The following WASL variants were observed in gnomAD, a reference collection of about 807,000 sequenced individuals.
WASL encodes the protein WASP like actin nucleation promoting factor.
In WASL, 20 loss-of-function variants were observed where a neutral mutation model predicts 55.5. The observed-to-expected ratio is 0.36, with a 90% CI of 0.25 to 0.52. The LOEUF is 0.52. WASL is among the 20% of genes least tolerant of loss of function. The pLI is 0.92. For missense variants in WASL, 504 were observed against 622.5 expected (o/e 0.81, Z 2.03); for synonymous variants, 249 against 217.6 (o/e 1.14, Z -1.27).
At chr7:123,687,799 T>C (rs965493119) in intron 10 of WASL, among the ~76,000 whole-genome samples, 2 of 152,090 alleles carry the variant, frequency 1.3e-5, no homozygotes, top group Non-Finnish European at 2.9e-5. Context: ...CAATAAATAT[T>C]TATCTCTATC....
chr7:123,696,262 T>C (rs1803490542), intron 6 of WASL, among the ~76,000 whole-genome samples: 1 of 152,010 alleles, frequency 6.6e-6, no homozygotes, highest in Admixed American at 6.5e-5. Context: ...CTGTAAACAA[T>C]TTCTAAATGC....
chr7:123,696,545 A>C (rs781580553), intron 6 of WASL, 34 bp downstream of exon 6: 8 of 1,505,030 alleles, frequency 5.3e-6, no homozygotes, highest in Non-Finnish European at 7.1e-6. Context: ...ATAAATCAAA[A>C]GTGAAGATAA....
chr7:123,719,101 G>T (rs919056982), intron 1 of WASL, among the ~76,000 whole-genome samples: 1 of 152,116 alleles, frequency 6.6e-6, no homozygotes, highest in African/African-American at 2.4e-5. Flanking sequence ...AATTTATTTT[G>T]ATCATTCCTC....
At chr7:123,709,319 T>G in intron 1 of WASL, 96 bp from the exon 2 acceptor site, 1 of 991,152 alleles carries the variant, frequency 1.0e-6, no homozygotes, top group East Asian at 2.9e-5. Flanking sequence ...CCAGCTAAGC[T>G]GCTCCTAAAT....
At chr7:123,691,676 T>C (rs1274414716) in intron 9 of WASL, among the ~76,000 whole-genome samples, 1 of 152,196 alleles carries the variant, frequency 6.6e-6, no homozygotes, top group Non-Finnish European at 1.5e-5. Context: ...CTCTAGAAGA[T>C]TAAATGACCT....
At chr7:123,692,313 G>C (rs1212435844) in intron 9 of WASL, 34 bp downstream of exon 9, 3 of 1,573,022 alleles carry the variant, frequency 1.9e-6, no homozygotes, top group African/African-American at 1.4e-5. Context: ...TTATGATAAA[G>C]GATCTAAAAT....
chr7:123,719,055 A>C (rs1489162883), intron 1 of WASL, among the ~76,000 whole-genome samples: 1 of 152,228 alleles, frequency 6.6e-6, no homozygotes, highest in African/African-American at 2.4e-5. Context: ...TGTTCCACTA[A>C]AACTCTACTT....
rs1459314701 is a variant in WASL at position 123,683,632 on chromosome 7, T to A, written c.*887A>T. 5 of 152,092 alleles carry A rather than the reference T, an allele frequency of 3.3e-5. No individual in the cohort carries two copies. The allele number at this position is 152,092 out of a possible 1,614,324, so 9.4% of individuals were successfully genotyped here. On this transcript the variant is annotated 3_prime_UTR_variant, in exon 11 of 11. Coordinates refer to ENST00000223023, the MANE Select transcript of WASL (RefSeq NM_003941.4). ...ATGCTAAAATTCTACAGTATTTTAG[T>A]ACTATTCTGATTTGTATAGTTTTTT...
intron 1 of WASL, among the ~76,000 whole-genome samples, chr7:123,731,549 T>C (rs1357466256): frequency 6.6e-6 from 1 of 152,080 alleles, no homozygotes; most frequent in African/African-American, 2.4e-5. Context: ...AGAGACCACA[T>C]TTTGGGCCAT....
intron 1 of WASL, chr7:123,720,489 C>T (rs919536007): frequency 1.4e-5 from 5 of 345,942 alleles, no homozygotes; most frequent in African/African-American, 1.1e-4. Context: ...AAATAACTTA[C>T]ATTTGCCTAT....
At chr7:123,686,114 T>C (rs138611984) in intron 10 of WASL, among the ~76,000 whole-genome samples, 10 of 151,516 alleles carry the variant, frequency 6.6e-5, no homozygotes, top group African/African-American at 2.4e-4. Context: ...TATTAGAACT[T>C]GAAAATTAAC....
At chr7:123,709,646 C>G (rs1803725860) in intron 1 of WASL, among the ~76,000 whole-genome samples, 1 of 152,188 alleles carries the variant, frequency 6.6e-6, no homozygotes, top group African/African-American at 2.4e-5. Context: ...GACTTCAAAT[C>G]TAGCATTCTT....
intron 8 of WASL, among the ~76,000 whole-genome samples, chr7:123,694,279 T>A (rs1803459128): frequency 6.6e-6 from 1 of 152,170 alleles, no homozygotes; most frequent in Admixed American, 6.5e-5. Flanking sequence ...AAAGAAAATT[T>A]CATACTTTAT....
At chr7:123,720,714 A>C (rs1282856308) in intron 1 of WASL, among the ~76,000 whole-genome samples, 1 of 149,886 alleles carries the variant, frequency 6.7e-6, no homozygotes, top group African/African-American at 2.5e-5. Context: ...ACAGTGGCAC[A>C]ATCTTGGCTC....
chr7:123,693,091 T>G (rs1803439811), intron 8 of WASL, among the ~76,000 whole-genome samples: 1 of 152,152 alleles, frequency 6.6e-6, no homozygotes, highest in East Asian at 1.9e-4. Flanking sequence ...TAAAAAAATA[T>G]GAGCTAAAAC....
At chr7:123,724,928 A>T (rs559808835) in intron 1 of WASL, among the ~76,000 whole-genome samples, 1 of 152,262 alleles carries the variant, frequency 6.6e-6, no homozygotes, top group African/African-American at 2.4e-5. Context: ...AAGTGGTGAG[A>T]GTTTGGGGGC....
rs78221354 is a variant in WASL, at chr7:123,740,490, T to G, written c.117+8128A>C. Among the ~76,000 whole-genome samples the G allele has an allele frequency of 8.8e-3, 1,336 of 152,318 alleles. 23 individuals are homozygous for G. The highest frequency in any genetic ancestry group is 0.03 in the African/African-American group (1,252 of 41,558). On this transcript the variant is annotated intron_variant, in intron 1 of 10. Transcript: ENST00000223023. ...TATTACACTATATTTATGAATATGG[T>G]TAAGCATGCCAAATGTCTCCTAATT...
At chr7:123,689,656 T>G (rs1803364960) in intron 9 of WASL, among the ~76,000 whole-genome samples, 1 of 152,184 alleles carries the variant, frequency 6.6e-6, no homozygotes, top group Non-Finnish European at 1.5e-5. Flanking sequence ...AAAATGAACC[T>G]CTTTTCTCAT....
chr7:123,721,764 T>G (rs1231718693), intron 1 of WASL, among the ~76,000 whole-genome samples: 1 of 151,950 alleles, frequency 6.6e-6, no homozygotes, highest in Non-Finnish European at 1.5e-5. Flanking sequence ...AACACAAAAT[T>G]TGGTCAGGCG....
Sources: gnomAD v4.1 joint callset for allele counts (sites outside exome capture counted in the v4.1 genomes callset) on GRCh38, gnomAD v4.1.1 for gene constraint, MANE v1.5 for transcripts, NCBI Gene and HGNC (gene_info 2026-07-23, HGNC 2026-07-21) for gene names.